The following DGKI variants were observed in gnomAD, a reference collection of about 807,000 sequenced individuals.
The protein encoded by DGKI is DAG kinase iota.
DGKI carries 55 observed loss-of-function variants against 147.5 expected under a neutral mutation model. The observed-to-expected ratio is 0.37, with a 90% CI of 0.30 to 0.47. DGKI has a LOEUF of 0.47. Ranked by LOEUF, DGKI falls within the 20% of genes least tolerant of loss-of-function variation. The pLI, the probability that DGKI is intolerant of heterozygous loss-of-function variation, is 1.00. For missense variants in DGKI, 1,007 were observed against 1,323.8 expected, an observed-to-expected ratio of 0.76 and a Z score of 3.71; for synonymous variants, 469 against 477.1, an observed-to-expected ratio of 0.98 and a Z score of 0.22.
intron 32 of DGKI, 83 bp downstream of exon 32, chr7:137,395,515 T>G (rs1811516845): frequency 7.7e-7 from 1 of 1,294,128 alleles, no homozygotes; most frequent in East Asian, 2.4e-5. Flanking sequence ...AGAAAGGATG[T>G]CCGTGCTATG....
At chr7:137,588,431 G>T (rs934061921) in intron 12 of DGKI, among the ~76,000 whole-genome samples, 8 of 149,896 alleles carry the variant, frequency 5.3e-5, no homozygotes, top group Non-Finnish European at 1.2e-4. Flanking sequence ...TAGAAAGATT[G>T]CTCTCCAGGA....
chr7:137,645,356 T>C, intron 6 of DGKI, 116 bp downstream of exon 6: 1 of 796,528 alleles, frequency 1.3e-6, no homozygotes, highest in Non-Finnish European at 1.9e-6. Flanking sequence ...AGTAAGGTCT[T>C]TCAGAAAGGA....
At position 137,383,942 on chromosome 7, in the gene DGKI, G is replaced by A. The variant is rs1468629025; in HGVS notation, c.*7278C>T. 6.6e-6 allele frequency: 1 copy of A among 151,960 alleles called. No homozygotes were observed. Among genetic ancestry groups the A allele is most frequent in the Non-Finnish European group, 1.5e-5 (1 of 67,942 alleles). The allele number at this position is 151,960 out of a possible 1,614,324, so 9.4% of individuals were successfully genotyped here. On this transcript the variant is annotated 3_prime_UTR_variant, in exon 33 of 33. Transcript: ENST00000614521. The stretch of plus-strand genomic sequence containing the variant: ...TAAAGTATGAGATTCTGAACTGAAG[G>A]ACATTTCAAGCCTGTTTGTTTTTCT...
chr7:137,547,236 T>C (rs989378454), intron 20 of DGKI, among the ~76,000 whole-genome samples: 1 of 152,208 alleles, frequency 6.6e-6, no homozygotes, highest in Non-Finnish European at 1.5e-5. Flanking sequence ...TCTGTGTAGA[T>C]TCCTATGCTA....
chr7:137,645,511 G>C lies in DGKI; in HGVS notation c.765C>G (p.His255Gln), dbSNP rs763435626. The change falls in exon 6 of 33, where the codon CAC becomes CAG. Residue 255 changes from histidine to glutamine, a missense_variant. Physicochemically the swap from His to Gln is conservative, Grantham distance 24. Coordinates refer to ENST00000614521, the MANE Select transcript of DGKI (RefSeq NM_001321708.2). ...TACATTTCCCCTCCTGCCGACGCCTGTGCACCCAGTGATGACGTACAAAAT... is the reference window on the plus strand; with the variant it reads ...TACATTTCCCCTCCTGCCGACGCCTCTGCACCCAGTGATGACGTACAAAAT... ...RENFVRHHWV[H>Q]RRRQEGKCKQ... 1 of 1,612,838 alleles carries C rather than the reference G, an allele frequency of 6.2e-7. No individual in the cohort carries two copies. The highest frequency in any genetic ancestry group is 2.2e-5 in the East Asian group (1 of 44,834).
chr7:137,626,802 T>A (rs1820960321), intron 6 of DGKI, among the ~76,000 whole-genome samples: 1 of 152,154 alleles, frequency 6.6e-6, no homozygotes, highest in African/African-American at 2.4e-5. Flanking sequence ...AACTTGTCCC[T>A]CCACTGATAG....
intron 28 of DGKI, among the ~76,000 whole-genome samples, chr7:137,417,608 G>A (rs1430943598): frequency 2.0e-5 from 3 of 152,078 alleles, no homozygotes; most frequent in Admixed American, 1.3e-4. Flanking sequence ...ATCAGGAAAG[G>A]GAGAAGACAG....
intron 20 of DGKI, among the ~76,000 whole-genome samples, chr7:137,545,508 C>G (rs145600166): frequency 6.6e-6 from 1 of 152,138 alleles, no homozygotes; most frequent in African/African-American, 2.4e-5. Context: ...CAAAACTCCA[C>G]GCATAATCTT....
chr7:137,469,010 A>G (rs543139534), intron 24 of DGKI, among the ~76,000 whole-genome samples: 2 of 152,314 alleles, frequency 1.3e-5, no homozygotes, highest in Middle Eastern at 6.8e-3. Flanking sequence ...GAGATACTTG[A>G]GATAAAAAAA....
chr7:137,415,378 G>A (rs116528298), intron 28 of DGKI, among the ~76,000 whole-genome samples: 2,632 of 152,210 alleles, frequency 0.017, 73 homozygotes, highest in African/African-American at 0.06. Flanking sequence ...ATCTAAAGAC[G>A]ACTTGAAGTG....
At chr7:137,697,578 C>G (rs1043086156) in intron 1 of DGKI, among the ~76,000 whole-genome samples, 4 of 152,176 alleles carry the variant, frequency 2.6e-5, no homozygotes, top group East Asian at 1.9e-4. Context: ...ATTAACTTCT[C>G]TTTCGGTCTA....
At chr7:137,414,227 TG>T (rs1172913702) in intron 28 of DGKI, among the ~76,000 whole-genome samples, 1 of 152,176 alleles carries the variant, frequency 6.6e-6, no homozygotes, top group Non-Finnish European at 1.5e-5. Context: ...GCCCCTGGGC[TG>T]AGTGCCTTCC....
chr7:137,827,061 G>C lies in DGKI; in HGVS notation c.401+19401C>G, dbSNP rs1358472191. Among the ~76,000 whole-genome samples, 3 of 152,062 alleles carry C rather than the reference G, an allele frequency of 2.0e-5. No individual in the cohort carries two copies. In the East Asian group the frequency reaches 5.8e-4, roughly 29 times the overall value. On this transcript the variant is annotated intron_variant, in intron 1 of 32. Coordinates refer to ENST00000614521, the MANE Select transcript of DGKI (RefSeq NM_001321708.2). Reference sequence around the variant, plus strand: ...CCATGGCCCCTGCAGACAGAACAGGGGTCCCCCTTCCTTCTTCATGTGCTA... The same window carrying C: ...CCATGGCCCCTGCAGACAGAACAGGCGTCCCCCTTCCTTCTTCATGTGCTA...
chr7:137,694,117 T>G (rs900616483), intron 1 of DGKI, among the ~76,000 whole-genome samples: 5 of 152,172 alleles, frequency 3.3e-5, no homozygotes, highest in Middle Eastern at 3.4e-3. Flanking sequence ...GTCAGGAGAT[T>G]GAGACCATCC....
chr7:137,592,747 G>GA (rs1320965132), intron 12 of DGKI, among the ~76,000 whole-genome samples: 1 of 152,182 alleles, frequency 6.6e-6, no homozygotes, highest in Non-Finnish European at 1.5e-5. Flanking sequence ...GGACCCTTTT[G>GA]AATATGTGCA....
At position 137,689,991 on chromosome 7, in the gene DGKI, G is replaced by T; in HGVS notation, c.413C>A (p.Ser138Tyr). The T allele has an allele frequency of 6.3e-7, 1 of 1,599,208 alleles. No homozygotes were observed. Among genetic ancestry groups the T allele is most frequent in the Non-Finnish European group, 8.5e-7 (1 of 1,175,126 alleles). ...AGCCAGATGCTGGAGGCCTGCCCGG[G>T]AGATTGCTTTCCTGCAGCAAGAAGA... is the stretch of plus-strand genomic sequence containing the variant. ...RKQVSYRKAI[S>Y]RAGLQHLAPA... The change falls in exon 2 of 33, where the codon TCC becomes TAC. Residue 138 changes from serine (S) to tyrosine (Y), a missense_variant. Coordinates refer to ENST00000614521, the MANE Select transcript of DGKI (RefSeq NM_001321708.2).
chr7:137,655,602 G>A (rs1401630272), intron 4 of DGKI, among the ~76,000 whole-genome samples: 1 of 152,204 alleles, frequency 6.6e-6, no homozygotes, highest in Admixed American at 6.5e-5. Flanking sequence ...TAAAGTGAAA[G>A]GAGCAAAAGA....
At chr7:137,797,097 T>C (rs1174415915) in intron 1 of DGKI, among the ~76,000 whole-genome samples, 1 of 152,142 alleles carries the variant, frequency 6.6e-6, no homozygotes, top group Non-Finnish European at 1.5e-5. Flanking sequence ...TCAATAACAC[T>C]AACAGCTGAC....
At chr7:137,701,232 C>T (rs969675460) in intron 1 of DGKI, among the ~76,000 whole-genome samples, 1 of 151,972 alleles carries the variant, frequency 6.6e-6, no homozygotes, top group African/African-American at 2.4e-5. Context: ...CTATAAGTAA[C>T]ATCATACATA....
Sources: gnomAD v4.1 joint callset for allele counts (sites outside exome capture counted in the v4.1 genomes callset) on GRCh38, gnomAD v4.1.1 for gene constraint, MANE v1.5 for transcripts, NCBI Gene and HGNC (gene_info 2026-07-23, HGNC 2026-07-21) for gene names.